DRD2: variants seen among roughly 807,000 people sequenced by gnomAD.
The protein encoded by DRD2 is dopamine receptor D2.
In DRD2, 8 loss-of-function variants were observed where a neutral mutation model predicts 38.0. That is an observed-to-expected ratio of 0.21 (90% confidence interval 0.12 to 0.38). DRD2 has a LOEUF of 0.38. Among genes scored for constraint, DRD2 ranks in the 10% least tolerant of loss-of-function variants. The pLI is 1.00. For missense variants in DRD2, 403 were observed against 607.7 expected, an observed-to-expected ratio of 0.66 and a Z score of 3.54; for synonymous variants, 230 against 238.6, an observed-to-expected ratio of 0.96 and a Z score of 0.33.
intron 1 of DRD2, among the ~76,000 whole-genome samples, chr11:113,457,267 A>G (rs1591299879): frequency 6.6e-6 from 1 of 152,164 alleles, no homozygotes; most frequent in African/African-American, 2.4e-5. Context: ...GTTAAAGAAC[A>G]TATGCCTAGT....
chr11:113,466,508 G>A (rs1443557184), intron 1 of DRD2, among the ~76,000 whole-genome samples: 2 of 152,152 alleles, frequency 1.3e-5, no homozygotes, highest in African/African-American at 2.4e-5. Flanking sequence ...CATGCCCTGT[G>A]ACAACTGCGA....
chr11:113,417,118 A>C (rs1950835324), intron 3 of DRD2, 119 bp from the exon 4 acceptor site: 2 of 1,421,246 alleles, frequency 1.4e-6, no homozygotes, highest in Non-Finnish European at 1.9e-6. Context: ...CACCTCTATG[A>C]AGCTTGCCTG....
intron 2 of DRD2, among the ~76,000 whole-genome samples, chr11:113,419,206 AAATGATCTGTTAAG>A (rs1565662253): frequency 1.3e-5 from 2 of 152,196 alleles, no homozygotes; most frequent in African/African-American, 2.4e-5. Flanking sequence ...CGGGGCCCCA[AAATGATCTGTTAAG>A]AATAATGGTG....
chr11:113,471,381 T>A (rs1951424060), intron 1 of DRD2, among the ~76,000 whole-genome samples: 1 of 152,170 alleles, frequency 6.6e-6, no homozygotes, highest in African/African-American at 2.4e-5. Flanking sequence ...AATTTGTGCA[T>A]CCTTAGTGGC....
At chr11:113,424,934 A>G in intron 1 of DRD2, 2 of 502,284 alleles carry the variant, frequency 4.0e-6, no homozygotes, top group South Asian at 4.4e-5. Context: ...AACAGAGCTG[A>G]TCCATCATTT....
At chr11:113,461,417 C>T (rs1465586175) in intron 1 of DRD2, among the ~76,000 whole-genome samples, 1 of 152,202 alleles carries the variant, frequency 6.6e-6, no homozygotes, top group Non-Finnish European at 1.5e-5. Context: ...AGGAAGCCCT[C>T]CTTACCCCTG....
At chr11:113,432,970 C>T (rs1951002819) in intron 1 of DRD2, among the ~76,000 whole-genome samples, 1 of 152,186 alleles carries the variant, frequency 6.6e-6, no homozygotes, top group Admixed American at 6.5e-5. Flanking sequence ...GAAATGGAGA[C>T]CTCATTCCCA....
intron 1 of DRD2, among the ~76,000 whole-genome samples, chr11:113,458,053 C>G (rs1055726137): frequency 5.9e-5 from 9 of 152,366 alleles, no homozygotes; most frequent in Middle Eastern, 3.4e-3. Flanking sequence ...AAGGACAGAA[C>G]AAGACTTTCT....
chr11:113,428,138 T>C (rs1308068634), intron 1 of DRD2, among the ~76,000 whole-genome samples: 1 of 152,150 alleles, frequency 6.6e-6, no homozygotes, highest in Non-Finnish European at 1.5e-5. Flanking sequence ...AATTTTGTCA[T>C]AGCAGCCAGA....
At chr11:113,455,359 C>T (rs1951259527) in intron 1 of DRD2, among the ~76,000 whole-genome samples, 2 of 151,802 alleles carry the variant, frequency 1.3e-5, no homozygotes, top group Non-Finnish European at 2.9e-5. Flanking sequence ...AAGACTCCAT[C>T]TCAAAAAAAT....
intron 7 of DRD2, 102 bp from the exon 8 acceptor site, chr11:113,411,022 C>A: frequency 1.5e-6 from 2 of 1,303,594 alleles, no homozygotes; most frequent in East Asian, 2.5e-5. Flanking sequence ...AGACGGTGGG[C>A]TGTAGCCACA....
At chr11:113,448,363 C>A (rs537489767) in intron 1 of DRD2, among the ~76,000 whole-genome samples, 1 of 152,232 alleles carries the variant, frequency 6.6e-6, no homozygotes, top group East Asian at 1.9e-4. Flanking sequence ...CCCAGATGCA[C>A]GGTGGCTGAA....
At chr11:113,465,976 C>G (rs1230296569) in intron 1 of DRD2, among the ~76,000 whole-genome samples, 2 of 152,172 alleles carry the variant, frequency 1.3e-5, no homozygotes, top group African/African-American at 4.8e-5. Context: ...GTGCGTGACT[C>G]ATTTCCTTTG....
chr11:113,465,509 T>C (rs956800875), intron 1 of DRD2, among the ~76,000 whole-genome samples: 1 of 152,316 alleles, frequency 6.6e-6, no homozygotes. Context: ...AGTTGGCTTC[T>C]TTTTTCCCTC....
intron 1 of DRD2, among the ~76,000 whole-genome samples, chr11:113,448,645 C>G (rs1951178972): frequency 6.6e-6 from 1 of 152,206 alleles, no homozygotes; most frequent in Non-Finnish European, 1.5e-5. Context: ...TGTCCTCATC[C>G]AAGGGCACGG....
chr11:113,460,119 A>G (rs550769185), intron 1 of DRD2, among the ~76,000 whole-genome samples: 3 of 152,366 alleles, frequency 2.0e-5, no homozygotes, highest in African/African-American at 7.2e-5. Flanking sequence ...CTCAGCGGCT[A>G]TGATTAGAGG....
chr11:113,473,355 G>A (rs1338235380), intron 1 of DRD2, among the ~76,000 whole-genome samples: 3 of 152,122 alleles, frequency 2.0e-5, no homozygotes, highest in South Asian at 2.1e-4. Flanking sequence ...CTGGGCCTCC[G>A]CTTGAGATTC....
At chr11:113,412,523 C>T (rs372017021) in intron 7 of DRD2, 33 bp downstream of exon 7, 26 of 1,607,072 alleles carry the variant, frequency 1.6e-5, no homozygotes, top group Non-Finnish European at 2.1e-5. Context: ...CTTTCACAGA[C>T]CGGGCTGTGG....
At chr11:113,457,785 CT>C (rs1951281028) in intron 1 of DRD2, among the ~76,000 whole-genome samples, 1 of 152,222 alleles carries the variant, frequency 6.6e-6, no homozygotes, top group Non-Finnish European at 1.5e-5. Context: ...AAGCTGTTAG[CT>C]TGATGCTTGT....
Sources: gnomAD v4.1 joint callset for allele counts (sites outside exome capture counted in the v4.1 genomes callset) on GRCh38, gnomAD v4.1.1 for gene constraint, MANE v1.5 for transcripts, NCBI Gene and HGNC (gene_info 2026-07-23, HGNC 2026-07-21) for gene names.